Variants in KIAA1328 observed in about 807,000 individuals in gnomAD.
KIAA1328 encodes KIAA1328.
KIAA1328 carries 52 observed loss-of-function variants against 68.1 expected under a neutral mutation model. The observed-to-expected ratio is 0.76, with a 90% confidence interval of 0.61 to 0.96. KIAA1328 has a LOEUF of 0.96. Ranked by LOEUF, KIAA1328 falls within the 40% of genes least tolerant of loss-of-function variation. The probability of loss-of-function intolerance (pLI) is 0.00; values close to 1 mark genes in which losing one functional copy is unlikely to be tolerated. For synonymous variants in KIAA1328, 232 were observed against 239.4 expected, an observed-to-expected ratio of 0.97 and a Z score of 0.28; for missense variants, 641 against 677.6, an observed-to-expected ratio of 0.95 and a Z score of 0.60.
intron 5 of KIAA1328, among the ~76,000 whole-genome samples, chr18:36,942,094 T>C (rs1199343363): frequency 6.6e-6 from 1 of 152,184 alleles, no homozygotes; most frequent in African/African-American, 2.4e-5. Context: ...TAAAATGGTA[T>C]AGGGAAGGTT....
At chr18:37,176,104 T>A (rs2059592439) in intron 9 of KIAA1328, among the ~76,000 whole-genome samples, 1 of 152,242 alleles carries the variant, frequency 6.6e-6, no homozygotes, top group Non-Finnish European at 1.5e-5. Flanking sequence ...CTGAAAATGT[T>A]AACATTTGCA....
intron 5 of KIAA1328, among the ~76,000 whole-genome samples, chr18:36,899,182 A>G (rs997988671): frequency 3.3e-5 from 5 of 149,342 alleles, no homozygotes; most frequent in Non-Finnish European, 7.5e-5. Flanking sequence ...TTAGTTTGCC[A>G]AGAATTTTTG....
rs1196993762 is a variant in KIAA1328 at position 37,120,968 on chromosome 18, G to A, written c.1233-39232G>A. 4.6e-5 allele frequency among the ~76,000 whole-genome samples: 7 copies of A among 152,250 alleles called. No individual in the cohort carries two copies. The South Asian group carries it at 1.2e-3, about 27-fold the overall frequency. On this transcript the variant is annotated intron_variant, in intron 7 of 9. Transcript: ENST00000280020. ...AGTGGGCAAAAGCACTGCCAGGTAA[G>A]TGGTAAGTGGAAAATATGACAGCTT...
At chr18:37,037,171 A>T (rs978730757) in intron 6 of KIAA1328, among the ~76,000 whole-genome samples, 1 of 152,140 alleles carries the variant, frequency 6.6e-6, no homozygotes, top group African/African-American at 2.4e-5. Context: ...GGATTTGTAT[A>T]AAAAAATCTT....
chr18:36,908,022 AT>A (rs2049285709), intron 5 of KIAA1328, among the ~76,000 whole-genome samples: 1 of 152,132 alleles, frequency 6.6e-6, no homozygotes, highest in Non-Finnish European at 1.5e-5. Context: ...CTTTCAAGGA[AT>A]TTTTAAAATT....
At chr18:37,207,213 C>G (rs774382670) in intron 9 of KIAA1328, among the ~76,000 whole-genome samples, 5 of 152,112 alleles carry the variant, frequency 3.3e-5, no homozygotes, top group Admixed American at 2.0e-4. Flanking sequence ...GAAGTACGTC[C>G]CCCATCAATT....
At chr18:37,076,451 A>G (rs1356229218) in intron 7 of KIAA1328, among the ~76,000 whole-genome samples, 1 of 151,908 alleles carries the variant, frequency 6.6e-6, no homozygotes, top group Non-Finnish European at 1.5e-5. Context: ...AACACATTCA[A>G]AAGCTAGCAG....
At chr18:36,931,615 A>G (rs760907514) in intron 5 of KIAA1328, among the ~76,000 whole-genome samples, 37 of 152,012 alleles carry the variant, frequency 2.4e-4, no homozygotes, top group Admixed American at 1.1e-3. Context: ...TTATATTTCT[A>G]GTTAACCTCA....
intron 8 of KIAA1328, among the ~76,000 whole-genome samples, chr18:37,171,144 A>G (rs937390273): frequency 2.6e-5 from 4 of 152,234 alleles, no homozygotes; most frequent in African/African-American, 7.2e-5. Flanking sequence ...TAAAATTTAT[A>G]TATACACTAA....
chr18:37,153,795 C>A lies in KIAA1328; in HGVS notation c.1233-6405C>A, dbSNP rs576784340. On this transcript the variant is annotated intron_variant, in intron 7 of 9. Transcript: ENST00000280020. ...AGTGAACGGAGGAATTAAGAGGTATCTATCTGTTTCTCCAGCCTAGATTTT... is the reference window on the plus strand; with the variant it reads ...AGTGAACGGAGGAATTAAGAGGTATATATCTGTTTCTCCAGCCTAGATTTT... 2.1e-3 allele frequency among the ~76,000 whole-genome samples: 309 copies of A among 144,514 alleles called. 1 individual carries two copies. Among genetic ancestry groups the A allele is most frequent in the Admixed American group, 4.6e-3 (65 of 14,160 alleles). 94.8% of individuals were successfully genotyped at this position (144,514 alleles called of 152,430 possible).
At chr18:37,115,069 G>A (rs923652224) in intron 7 of KIAA1328, among the ~76,000 whole-genome samples, 12 of 152,082 alleles carry the variant, frequency 7.9e-5, no homozygotes, top group South Asian at 2.1e-4. Context: ...ATTCACAGCC[G>A]AATTCTACCA....
At chr18:36,862,747 C>T (rs777820303) in intron 4 of KIAA1328, among the ~76,000 whole-genome samples, 3 of 152,134 alleles carry the variant, frequency 2.0e-5, no homozygotes, top group Non-Finnish European at 4.4e-5. Context: ...AGCTACTAAA[C>T]TATTTTCCAG....
chr18:37,065,976 T>C (rs570029916), intron 6 of KIAA1328, among the ~76,000 whole-genome samples: 9 of 152,176 alleles, frequency 5.9e-5, no homozygotes, highest in South Asian at 4.1e-4. Flanking sequence ...TATAGACCAA[T>C]AGTTTTCAAA....
intron 6 of KIAA1328, among the ~76,000 whole-genome samples, chr18:37,031,130 C>A (rs962092068): frequency 5.3e-5 from 8 of 152,174 alleles, no homozygotes; most frequent in African/African-American, 1.9e-4. Context: ...GTGAATAGTG[C>A]CGCAATAAAC....
intron 7 of KIAA1328, among the ~76,000 whole-genome samples, chr18:37,102,042 G>C (rs1307083790): frequency 1.3e-5 from 2 of 152,152 alleles, no homozygotes; most frequent in Non-Finnish European, 2.9e-5. Context: ...ACCAGATGAA[G>C]CTACAACAGA....
chr18:37,004,929 C>A (rs1458506862), intron 6 of KIAA1328, among the ~76,000 whole-genome samples: 2 of 152,058 alleles, frequency 1.3e-5, no homozygotes, highest in Non-Finnish European at 2.9e-5. Context: ...TAAAAAGGAA[C>A]AAATTAATGA....
intron 6 of KIAA1328, among the ~76,000 whole-genome samples, chr18:37,055,522 C>T (rs1028702168): frequency 6.6e-6 from 1 of 152,138 alleles, no homozygotes; most frequent in African/African-American, 2.4e-5. Flanking sequence ...GGAAAATGAA[C>T]ATTTATTTGG....
chr18:37,108,363 A>G (rs2057832282), intron 7 of KIAA1328, among the ~76,000 whole-genome samples: 1 of 151,738 alleles, frequency 6.6e-6, no homozygotes, highest in South Asian at 2.1e-4. Flanking sequence ...TCTGTGAACT[A>G]CTACTGGGGG....
Position 37,173,000 on chromosome 18 carries a change from C to T in KIAA1328, c.1442C>T (p.Ala481Val), listed in dbSNP as rs201629444. 4.0e-5 allele frequency: 65 copies of T among 1,612,816 alleles called. No individual in the cohort carries two copies. In the Admixed American group the frequency reaches 7.7e-4, roughly 19 times the overall value. Reference protein sequence around the residue: ...RGTVTGVRKDASTSPMPTGSL... With the variant: ...RGTVTGVRKDVSTSPMPTGSL... Reference sequence around the variant, plus strand: ...ACAGTGACAGGAGTTAGAAAAGATGCGTCTACATCTCCTATGCCAACAGGA... The same window carrying T: ...ACAGTGACAGGAGTTAGAAAAGATGTGTCTACATCTCCTATGCCAACAGGA... The change falls in exon 9 of 10, where the codon GCG (alanine) becomes GTG (valine). Residue 481 changes from alanine to valine, a missense_variant. By Grantham distance (64) the Ala-to-Val change is moderately conservative. Transcript: ENST00000280020.
Sources: allele counts gnomAD v4.1 joint callset (sites outside exome capture counted in the v4.1 genomes callset), GRCh38; gene constraint gnomAD v4.1.1; transcripts MANE v1.5; gene names NCBI Gene and HGNC (gene_info 2026-07-23, HGNC 2026-07-21).